The following MMP14 variants were observed in gnomAD, a reference collection of about 807,000 sequenced individuals.
MMP14 encodes matrix metallopeptidase 14.
In MMP14, 13 loss-of-function variants were observed where a neutral mutation model predicts 64.8. That is an observed-to-expected ratio of 0.20 (90% CI 0.13 to 0.32). MMP14 has a LOEUF of 0.32. Among genes scored for constraint, MMP14 ranks in the 10% least tolerant of loss-of-function variants. The probability of loss-of-function intolerance (pLI) is 1.00; values close to 1 mark genes in which losing one functional copy is unlikely to be tolerated. For synonymous variants in MMP14, 322 were observed against 315.9 expected (o/e 1.02, Z -0.20); for missense variants, 594 against 783.8 (o/e 0.76, Z 2.89).
In MMP14 at chr14:22,842,260, A is replaced by T; in HGVS notation, c.381-150A>T. 9.5e-7 allele frequency: 1 copy of T among 1,047,298 alleles called. No homozygotes were observed. The highest frequency in any genetic ancestry group is 1.4e-6 in the Non-Finnish European group (1 of 725,050). The allele number at this position is 1,047,298 out of a possible 1,614,324, so 64.9% of individuals were successfully genotyped here. A position where few individuals can be genotyped will look rare whatever the true frequency, so the allele number is the denominator to read the frequency against. On this transcript the variant is annotated intron_variant, in intron 3 of 9. Coordinates refer to ENST00000311852, the MANE Select transcript of MMP14 (RefSeq NM_004995.4). The surrounding 1 kb of genome is among the most constrained non-coding windows in gnomAD (Gnocchi z 5.3). ...CCTGAGGATCCCTTGTTCTTGAGAC[A>T]GAGGCGTTGCGCATGAGGTAGCAGG...
At position 22,842,105 on chromosome 14, in the gene MMP14, G is replaced by T. The variant is rs2039777047; in HGVS notation, c.380+70G>T. 1.3e-6 allele frequency: 2 copies of T among 1,589,394 alleles called. No individual in the cohort carries two copies. Among genetic ancestry groups the T allele is most frequent in the Admixed American group, 1.7e-5 (1 of 59,414 alleles). On this transcript the variant is annotated intron_variant, in intron 3 of 9. Transcript: ENST00000311852. The surrounding 1 kb of genome is among the most constrained non-coding windows in gnomAD (Gnocchi z 5.3). The stretch of plus-strand genomic sequence containing the variant: ...TTCCTACCCATTGTGCTTATGCAGG[G>T]ACTCAGAGACCCCCTGCCCCACTCC...
intron 1 of MMP14, among the ~76,000 whole-genome samples, chr14:22,840,653 C>T (rs1001229106): frequency 1.3e-5 from 2 of 152,020 alleles, no homozygotes; most frequent in African/African-American, 2.4e-5. Flanking sequence ...GGACTACAAG[C>T]GCCCGCCACC....
At position 22,844,424 on chromosome 14, in the gene MMP14, G is replaced by A. The variant is rs17880989; in HGVS notation, c.1065G>A (p.Met355Ile). The change falls in exon 7 of 10, where the codon ATG becomes ATA. Residue 355 changes from methionine (M) to isoleucine (I), a missense_variant. Physicochemically the swap from Met to Ile is conservative, Grantham distance 10. Coordinates refer to ENST00000311852, the MANE Select transcript of MMP14 (RefSeq NM_004995.4). ...ACCAAGTGATGGATGGATACCCAAT[G>A]CCCATTGGCCAGTTCTGGCGGGGCC... ...RNNQVMDGYPMPIGQFWRGLP... is the reference protein window; with the variant it reads ...RNNQVMDGYPIPIGQFWRGLP... The A allele has an allele frequency of 0.021, 33,264 of 1,614,146 alleles. 415 individuals are homozygous for A. The highest frequency in any genetic ancestry group is 0.025 in the Non-Finnish European group (29,396 of 1,180,014).
chr14:22,836,935 C>A lies in MMP14; in HGVS notation c.108+10C>A, dbSNP rs894755216. ...CAGCTTCAGCCCCGAAGTAAGTGAG[C>A]TTCCCGGCCCTTCCCGGAGTCGCGC... On this transcript the variant is annotated intron_variant, in intron 1 of 9. Transcript: ENST00000311852. 2.4e-5 allele frequency: 39 copies of A among 1,602,490 alleles called. No homozygotes were observed. The highest frequency in any genetic ancestry group is 2.7e-5 in the Non-Finnish European group (32 of 1,172,238).
In MMP14 at chr14:22,843,852, G is replaced by A. The variant is rs930599960; in HGVS notation, c.993G>A (p.Gly331=). The change falls in exon 6 of 10, where the codon GGG becomes GGA. Residue 331 remains glycine, a synonymous_variant. Transcript: ENST00000311852. The surrounding 1 kb of genome is among the most constrained non-coding windows in gnomAD (Gnocchi z 4.8). ...GNFDTVAMLR[G]EMFVFKERWF... ...TTGACACCGTGGCCATGCTCCGAGG[G>A]GAGATGTTTGTCTTCAAGGTGAGAA... The A allele has an allele frequency of 1.9e-6, 3 of 1,611,634 alleles. No homozygotes were observed. The highest frequency in any genetic ancestry group is 8.5e-7 in the Non-Finnish European group (1 of 1,179,498).
chr14:22,836,902 C>G lies in MMP14; in HGVS notation c.85C>G (p.Gln29Glu), dbSNP rs774130141. 3.7e-6 allele frequency: 6 copies of G among 1,613,692 alleles called. No homozygotes were observed. The Admixed American group carries it at 1.0e-4, about 27-fold the overall frequency. The stretch of plus-strand genomic sequence containing the variant: ...CGCGCTCGCCTCCCTCGGCTCGGCC[C>G]AAAGCAGCAGCTTCAGCCCCGAAGT... ...GTALASLGSAQSSSFSPEAWL... is the reference protein window; with the variant it reads ...GTALASLGSAESSSFSPEAWL... The change falls in exon 1 of 10, where the codon CAA (glutamine) becomes GAA (glutamate). Residue 29 changes from glutamine to glutamate, a missense_variant. Gln to Glu is a conservative substitution (Grantham distance 29). This residue lies in a region of MMP14 where 45 missense variants were observed against 48.8 expected (regional missense o/e 0.92). Transcript: ENST00000311852.
At chr14:22,840,585 T>G (rs1417653793) in intron 1 of MMP14, among the ~76,000 whole-genome samples, 1 of 151,982 alleles carries the variant, frequency 6.6e-6, no homozygotes, top group African/African-American at 2.4e-5. Context: ...CTCAGCTCGC[T>G]GCAAGCTCCG....
In MMP14 at chr14:22,843,480, A is replaced by G. The variant is rs2039788029; in HGVS notation, c.850+62A>G. The G allele has an allele frequency of 6.4e-7, 1 of 1,563,312 alleles. No individual in the cohort carries two copies. The stretch of plus-strand genomic sequence containing the variant: ...CTGCTTGTTCCCTCCTGGTCTACGC[A>G]TTTCCCCTCTTTTATGCCTTGCAGT... On this transcript the variant is annotated intron_variant, in intron 5 of 9. Coordinates refer to ENST00000311852, the MANE Select transcript of MMP14 (RefSeq NM_004995.4). The surrounding 1 kb of genome is among the most constrained non-coding windows in gnomAD (Gnocchi z 4.8).
chr14:22,844,362 G>A lies in MMP14; in HGVS notation c.1012-9G>A. On this transcript the variant is annotated splice_polypyrimidine_tract_variant and intron_variant, in intron 6 of 9. Coordinates refer to ENST00000311852, the MANE Select transcript of MMP14 (RefSeq NM_004995.4). ...ATAATGGACTTTTCCTGCATTGACCGGCTTCCAGGAGCGCTGGTTCTGGCG... is the reference window on the plus strand; with the variant it reads ...ATAATGGACTTTTCCTGCATTGACCAGCTTCCAGGAGCGCTGGTTCTGGCG... 2.5e-6 allele frequency: 4 copies of A among 1,614,056 alleles called. No homozygotes were observed. The highest frequency in any genetic ancestry group is 3.4e-6 in the Non-Finnish European group (4 of 1,179,960).
At chr14:22,839,775 A>AT (rs1354490673) in intron 1 of MMP14, among the ~76,000 whole-genome samples, 4 of 151,858 alleles carry the variant, frequency 2.6e-5, no homozygotes, top group Non-Finnish European at 5.9e-5. Context: ...TGGCTAGGAG[A>AT]TACAGCACCC....
rs777760649 is a variant in MMP14 at position 22,842,476 on chromosome 14, C to T, written c.447C>T (p.Arg149=). The change falls in exon 4 of 10, where the codon CGC becomes CGT. Residue 149 remains arginine (R), a synonymous_variant. Transcript: ENST00000311852. This position sits in a 1 kb window ranked among gnomAD's most constrained non-coding sequence, Gnocchi z 5.3. ...ATYEAIRKAF[R]VWESATPLRF... is the part of the protein sequence containing the mutation. ...ACGAGGCCATTCGCAAGGCGTTCCG[C>T]GTGTGGGAGAGTGCCACACCACTGC... 7 of 1,613,998 alleles carry T rather than the reference C, an allele frequency of 4.3e-6. No individual in the cohort carries two copies. The highest frequency in any genetic ancestry group is 4.5e-5 in the East Asian group (2 of 44,896).
chr14:22,836,787 C>T lies in MMP14; in HGVS notation c.-31C>T. 1.3e-6 allele frequency: 2 copies of T among 1,484,808 alleles called. No homozygotes were observed. Among genetic ancestry groups the T allele is most frequent in the Non-Finnish European group, 1.8e-6 (2 of 1,086,290 alleles). 92.0% of individuals were successfully genotyped at this position (1,484,808 alleles called of 1,614,324 possible). On this transcript the variant is annotated 5_prime_UTR_variant, in exon 1 of 10. Transcript: ENST00000311852. ...GGCGTGGGCCCGGCCGCGGAGCCCA[C>T]ACTGCCCGGCTGACCCGGTGGTCTC...
chr14:22,841,432 G>A (rs2039771620), intron 1 of MMP14, 59 bp from the exon 2 acceptor site: 5 of 1,593,094 alleles, frequency 3.1e-6, no homozygotes, highest in Non-Finnish European at 4.3e-6. Flanking sequence ...TTGTCGGGGA[G>A]GTAGAGGCAC....
chr14:22,846,141 C>A lies in MMP14; in HGVS notation c.*102C>A. 1 of 1,155,322 alleles carries A rather than the reference C, an allele frequency of 8.7e-7. No homozygotes were observed. The highest frequency in any genetic ancestry group is 1.2e-6 in the Non-Finnish European group (1 of 845,580). The allele number at this position is 1,155,322 out of a possible 1,614,324, so 71.6% of individuals were successfully genotyped here. ...GGGCTGTTCCCATCGTCCCGAGCCCCCTCCCCGCAGCCTCCTTGCTTCTCT... is the reference window on the plus strand; with the variant it reads ...GGGCTGTTCCCATCGTCCCGAGCCCACTCCCCGCAGCCTCCTTGCTTCTCT... On this transcript the variant is annotated 3_prime_UTR_variant, in exon 10 of 10. Coordinates refer to ENST00000311852, the MANE Select transcript of MMP14 (RefSeq NM_004995.4).
At chr14:22,844,269 C>A in intron 6 of MMP14, 102 bp from the exon 7 acceptor site, 1 of 1,530,968 alleles carries the variant, frequency 6.5e-7, no homozygotes, top group South Asian at 1.2e-5. Flanking sequence ...GGACTAAAAA[C>A]TAAAACTGAG....
chr14:22,846,871 G>A lies in MMP14; in HGVS notation c.*832G>A, dbSNP rs957720893. On this transcript the variant is annotated 3_prime_UTR_variant, in exon 10 of 10. Coordinates refer to ENST00000311852, the MANE Select transcript of MMP14 (RefSeq NM_004995.4). ...GAGAGGCCCGGGTCAGAGCCCTGGG[G>A]GTGAGCCTGAAGGCCACAGAGAAAG... 3.9e-5 allele frequency: 6 copies of A among 152,696 alleles called. No homozygotes were observed. Among genetic ancestry groups the A allele is most frequent in the African/African-American group, 1.2e-4 (5 of 41,464 alleles). The allele number at this position is 152,696 out of a possible 1,614,324, so 9.5% of individuals were successfully genotyped here. A position where few individuals can be genotyped will look rare whatever the true frequency, so the allele number is the denominator to read the frequency against.
intron 2 of MMP14, 103 bp downstream of exon 2, chr14:22,841,742 C>G: frequency 1.9e-6 from 3 of 1,554,642 alleles, no homozygotes; most frequent in South Asian, 1.2e-5. Context: ...CCCACTCCCC[C>G]ATATCTCATC....
chr14:22,843,522 G>A lies in MMP14; in HGVS notation c.850+104G>A, dbSNP rs1400002870. On this transcript the variant is annotated intron_variant, in intron 5 of 9. Transcript: ENST00000311852. This position sits in a 1 kb window ranked among gnomAD's most constrained non-coding sequence, Gnocchi z 4.8. ...CCTTGCAGTCTCCGCACCGCCCCCT[G>A]CCAACCTGCCCCTGCCTCTATCAGC... The A allele has an allele frequency of 1.4e-6, 2 of 1,445,930 alleles. No individual in the cohort carries two copies. The highest frequency in any genetic ancestry group is 1.9e-6 in the Non-Finnish European group (2 of 1,063,602). 89.6% of individuals were successfully genotyped at this position (1,445,930 alleles called of 1,614,324 possible). A position where few individuals can be genotyped will look rare whatever the true frequency, so the allele number is the denominator to read the frequency against.
intron 1 of MMP14, among the ~76,000 whole-genome samples, chr14:22,838,089 G>A (rs776731501): frequency 2.0e-5 from 3 of 152,216 alleles, no homozygotes; most frequent in Non-Finnish European, 4.4e-5. Context: ...GGGGCCGACT[G>A]GAAAAGTATG....
Sources: gnomAD v4.1 joint callset for allele counts (sites outside exome capture counted in the v4.1 genomes callset) on GRCh38, gnomAD v4.1.1 for gene constraint, gnomAD v4.1.1 regional missense constraint, Gnocchi (gnomAD v3.1) non-coding constraint, MANE v1.5 for transcripts, NCBI Gene and HGNC (gene_info 2026-07-23, HGNC 2026-07-21) for gene names.